The following NALCN variants were observed in gnomAD, a reference collection of about 807,000 sequenced individuals.
The protein encoded by NALCN is sodium leak channel, non-selective, also known as sodium leak channel NALCN.
A neutral mutation model predicts 225.3 loss-of-function variants in NALCN; 111 were observed. The observed-to-expected ratio is 0.49, with a 90% CI of 0.42 to 0.58. NALCN has a LOEUF of 0.58. Among genes scored for constraint, NALCN ranks in the 20% least tolerant of loss-of-function variants. The probability of loss-of-function intolerance (pLI) is 0.00; values close to 1 mark genes in which losing one functional copy is unlikely to be tolerated. For synonymous variants in NALCN, 764 were observed against 769.0 expected (o/e 0.99, Z 0.11); for missense variants, 1,378 against 2,202.4 (o/e 0.63, Z 7.49).
At chr13:101,219,982 G>A (rs899187639) in intron 13 of NALCN, among the ~76,000 whole-genome samples, 20 of 152,116 alleles carry the variant, frequency 1.3e-4, no homozygotes, top group African/African-American at 4.8e-4. Context: ...GACAAATTAA[G>A]TGTCACCTAA....
chr13:101,252,973 A>G (rs2042106540), intron 11 of NALCN, among the ~76,000 whole-genome samples: 1 of 152,166 alleles, frequency 6.6e-6, no homozygotes, highest in African/African-American at 2.4e-5. Flanking sequence ...ATACAAATAC[A>G]TTCATATAAT....
intron 1 of NALCN, among the ~76,000 whole-genome samples, chr13:101,403,692 A>T (rs2047540813): frequency 6.6e-6 from 1 of 152,182 alleles, no homozygotes; most frequent in African/African-American, 2.4e-5. Flanking sequence ...CATCAATACC[A>T]ACAACCACTC....
intron 16 of NALCN, among the ~76,000 whole-genome samples, chr13:101,144,509 G>A (rs568017348): frequency 2.6e-5 from 4 of 152,350 alleles, no homozygotes; most frequent in Admixed American, 6.5e-5. Flanking sequence ...AGAGAGAAGC[G>A]ATGGGAAGCA....
rs1318342481 is a variant in NALCN at position 101,089,565 on chromosome 13, T to C, written c.3489+98A>G. ...TATTTACACCAGTCACATTACAGTT[T>C]AAAGCGGCTTCACGCCGCGTGTGAA... On this transcript the variant is annotated intron_variant, in intron 30 of 43. Transcript: ENST00000251127. The surrounding 1 kb of genome is among the most constrained non-coding windows in gnomAD (Gnocchi z 4.7). The C allele has an allele frequency of 9.8e-6, 10 of 1,018,874 alleles. No homozygotes were observed. Among genetic ancestry groups the C allele is most frequent in the Non-Finnish European group, 1.3e-5 (9 of 677,270 alleles). The allele number at this position is 1,018,874 out of a possible 1,614,324, so 63.1% of individuals were successfully genotyped here.
At chr13:101,179,176 T>C (rs1352369614) in intron 14 of NALCN, among the ~76,000 whole-genome samples, 4 of 152,192 alleles carry the variant, frequency 2.6e-5, no homozygotes, top group Admixed American at 6.5e-5. Flanking sequence ...GAGAGCACTG[T>C]GCTTGGAGTC....
intron 1 of NALCN, among the ~76,000 whole-genome samples, chr13:101,400,588 T>TGC (rs1455284110): frequency 0.01 from 1,318 of 129,210 alleles, 52 homozygotes; most frequent in East Asian, 0.078. Context: ...TGTGCACGTG[T>TGC]GTGCGCGCGC....
chr13:101,064,501 A>G (rs906029993), intron 40 of NALCN, among the ~76,000 whole-genome samples: 10 of 152,056 alleles, frequency 6.6e-5, no homozygotes, highest in Non-Finnish European at 1.3e-4. Context: ...GTGGAGTAGA[A>G]TGGACTCCTA....
In NALCN at chr13:101,241,758, G is replaced by C. The variant is rs185541118; in HGVS notation, c.1267-3836C>G. Among the ~76,000 whole-genome samples the C allele has an allele frequency of 3.1e-3, 470 of 152,158 alleles. 3 individuals are homozygous for C. Among genetic ancestry groups the C allele is most frequent in the African/African-American group, 9.5e-3 (395 of 41,496 alleles). On this transcript the variant is annotated intron_variant, in intron 11 of 43. Transcript: ENST00000251127. ...ATGCCCGGCCAGAGATAACATTTTT[G>C]ATCTGCCAGGGGTCAAGGTCCAGAA...
intron 7 of NALCN, among the ~76,000 whole-genome samples, chr13:101,327,134 G>A (rs1594682331): frequency 6.6e-6 from 1 of 152,128 alleles, no homozygotes; most frequent in Non-Finnish European, 1.5e-5. Flanking sequence ...AATGGGTTAT[G>A]TGTCCAGAGA....
At chr13:101,238,099 A>C (rs1294696494) in intron 11 of NALCN, among the ~76,000 whole-genome samples, 177 bp from the exon 12 acceptor site, 1 of 151,980 alleles carries the variant, frequency 6.6e-6, no homozygotes, top group Non-Finnish European at 1.5e-5. Flanking sequence ...ACTAGAACAC[A>C]GTAGACCAAA....
At chr13:101,206,258 A>C (rs190515563) in intron 13 of NALCN, among the ~76,000 whole-genome samples, 6 of 152,136 alleles carry the variant, frequency 3.9e-5, no homozygotes, top group African/African-American at 1.4e-4. Flanking sequence ...CTGTGTAATC[A>C]ACTTTGATTT....
chr13:101,095,577 A>G lies in NALCN; in HGVS notation c.3266T>C (p.Val1089Ala). ...TATTTTTTTATGATATACTTACCAA[A>G]CACGGGGCACCCAAAATCCAGGTTT... Reference protein sequence around the residue: ...EKKPGFWVPRVWANPRNFNFD... With the variant: ...EKKPGFWVPRAWANPRNFNFD... Residue 1089 changes from valine (V) to alanine (A), a missense_variant, in exon 28 of 44, where the codon GTT becomes GCT. Val to Ala is a moderately conservative substitution (Grantham distance 64). Coordinates refer to ENST00000251127, the MANE Select transcript of NALCN (RefSeq NM_052867.4). The G allele has an allele frequency of 6.2e-7, 1 of 1,611,860 alleles. No homozygotes were observed. Among genetic ancestry groups the G allele is most frequent in the Non-Finnish European group, 8.5e-7 (1 of 1,178,958 alleles).
intron 6 of NALCN, among the ~76,000 whole-genome samples, chr13:101,354,547 A>G (rs1195770152): frequency 6.6e-6 from 1 of 152,220 alleles, no homozygotes; most frequent in Non-Finnish European, 1.5e-5. Flanking sequence ...ATATGTAAAG[A>G]GAGCCAGTTG....
At chr13:101,116,197 T>C (rs2035699564) in intron 18 of NALCN, among the ~76,000 whole-genome samples, 1 of 151,876 alleles carries the variant, frequency 6.6e-6, no homozygotes, top group South Asian at 2.1e-4. Context: ...TGCAAAAATA[T>C]TACCCCTGGT....
chr13:101,161,963 T>G (rs1448895204), intron 15 of NALCN, among the ~76,000 whole-genome samples: 1 of 152,190 alleles, frequency 6.6e-6, no homozygotes, highest in African/African-American at 2.4e-5. Context: ...TTTTCCACAC[T>G]TACTCTATAC....
At chr13:101,167,526 C>T (rs1020264751) in intron 15 of NALCN, among the ~76,000 whole-genome samples, 1 of 152,056 alleles carries the variant, frequency 6.6e-6, no homozygotes, top group Non-Finnish European at 1.5e-5. Flanking sequence ...ATCTGTTTTG[C>T]ACCATCATAA....
intron 6 of NALCN, 36 bp downstream of exon 6, chr13:101,376,664 C>T: frequency 6.4e-7 from 1 of 1,562,244 alleles, no homozygotes; most frequent in South Asian, 1.2e-5. Context: ...CTTTGTTAAT[C>T]AACTAGATTA....
At chr13:101,257,381 C>A (rs957208212) in intron 11 of NALCN, among the ~76,000 whole-genome samples, 3 of 152,052 alleles carry the variant, frequency 2.0e-5, no homozygotes, top group Non-Finnish European at 4.4e-5. Context: ...TTAAAAGTTT[C>A]TTGATATCCA....
chr13:101,414,996 G>T (rs149830256), intron 1 of NALCN, among the ~76,000 whole-genome samples: 25 of 151,816 alleles, frequency 1.6e-4, no homozygotes, highest in Admixed American at 3.9e-4. Flanking sequence ...AAAGCACGCA[G>T]AATGACAGCC....
Sources: gnomAD v4.1 joint callset for allele counts (sites outside exome capture counted in the v4.1 genomes callset) on GRCh38, gnomAD v4.1.1 for gene constraint, Gnocchi (gnomAD v3.1) non-coding constraint, MANE v1.5 for transcripts, NCBI Gene and HGNC (gene_info 2026-07-23, HGNC 2026-07-21) for gene names.